The following OPN4 variants were observed in gnomAD, a reference collection of about 807,000 sequenced individuals.
The protein encoded by OPN4 is opsin 4, also known as melanopsin.
Under a neutral mutation model 49.5 loss-of-function variants are expected in OPN4, and 43 were observed. That is an observed-to-expected ratio of 0.87 (90% CI 0.68 to 1.12). The LOEUF (loss-of-function observed/expected upper bound fraction) is 1.12. OPN4 is among the 50% of genes most tolerant of loss of function. The probability of loss-of-function intolerance (pLI) is 0.00; values close to 1 mark genes in which losing one functional copy is unlikely to be tolerated. For missense variants in OPN4, 657 were observed against 643.9 expected, an observed-to-expected ratio of 1.02 and a Z score of -0.22; for synonymous variants, 263 against 258.0, an observed-to-expected ratio of 1.02 and a Z score of -0.19.
chr10:86,658,134 C>A lies in OPN4; in HGVS notation c.393C>A (p.Ser131Arg), dbSNP rs751851259. Residue 131 changes from serine (S) to arginine (R), a missense_variant, in exon 3 of 10, where the codon AGC becomes AGA. Physicochemically the swap from Ser to Arg is moderately radical, Grantham distance 110. Transcript: ENST00000241891. ...AGGCCCCTGTCTTCTTCACCAGTAG[C>A]CTCTATAAGCAGTGGCTCTTTGGGG... ...FTQAPVFFTS[S>R]LYKQWLFGET... 2 of 1,614,112 alleles carry A rather than the reference C, an allele frequency of 1.2e-6. No individual in the cohort carries two copies. The highest frequency in any genetic ancestry group is 1.7e-6 in the Non-Finnish European group (2 of 1,180,026).
intron 2 of OPN4, 108 bp from the exon 3 acceptor site, chr10:86,657,924 G>T: frequency 2.5e-6 from 3 of 1,201,818 alleles, no homozygotes; most frequent in Non-Finnish European, 3.5e-6. Flanking sequence ...GTGTGCATGT[G>T]TAAGTGTGTG....
At chr10:86,656,714 G>T (rs1041752310) in intron 2 of OPN4, among the ~76,000 whole-genome samples, 2 of 152,140 alleles carry the variant, frequency 1.3e-5, no homozygotes, top group African/African-American at 4.8e-5. Context: ...GGAGGCCAAG[G>T]CGAGCAGATC....
chr10:86,659,412 G>A lies in OPN4; in HGVS notation c.744G>A (p.Leu248=), dbSNP rs1372895701. The part of the protein sequence containing the change: ...LLCCFVFFLP[L]LIIIYCYIFI... ...GCTGCTTCGTGTTCTTCCTCCCTCT[G>A]CTTATCATCATCTACTGCTACATCT... Residue 248 remains leucine, a synonymous_variant, in exon 5 of 10, where the codon CTG becomes CTA. Transcript: ENST00000241891. The A allele has an allele frequency of 2.5e-6, 4 of 1,613,974 alleles. No individual in the cohort carries two copies. The Admixed American group carries it at 5.0e-5, about 20-fold the overall frequency.
At chr10:86,659,265 C>T (rs111664409) in intron 4 of OPN4, 32 bp from the exon 5 acceptor site, 6 of 1,587,242 alleles carry the variant, frequency 3.8e-6, no homozygotes, top group African/African-American at 2.7e-5. Flanking sequence ...TCAGTGCCGC[C>T]CCAAAGGCTG....
At chr10:86,658,396 C>T (rs1843920036) in intron 3 of OPN4, 88 bp from the exon 4 acceptor site, 1 of 1,450,910 alleles carries the variant, frequency 6.9e-7, no homozygotes, top group Non-Finnish European at 9.5e-7. Context: ...CTCAGTCCTG[C>T]TCTTCCTGTG....
chr10:86,654,854 C>T lies in OPN4; in HGVS notation c.71C>T (p.Ala24Val). The change falls in exon 1 of 10, where the codon GCA becomes GTA. Residue 24 changes from alanine (A) to valine (V), a missense_variant. Physicochemically the swap from Ala to Val is moderately conservative, Grantham distance 64. Transcript: ENST00000241891. The stretch of plus-strand genomic sequence containing the variant: ...GAGCCCAGCTGCATGGCCACCCCAG[C>T]ACCACCCAGCTGGTGGGACAGCTCC... Reference protein sequence around the residue: ...TQEPSCMATPAPPSWWDSSQS... With the variant: ...TQEPSCMATPVPPSWWDSSQS... 3.7e-6 allele frequency: 6 copies of T among 1,613,856 alleles called. No individual in the cohort carries two copies. Among genetic ancestry groups the T allele is most frequent in the Non-Finnish European group, 5.1e-6 (6 of 1,179,880 alleles).
intron 8 of OPN4, 117 bp from the exon 9 acceptor site, chr10:86,663,542 G>C (rs1844068245): frequency 5.3e-6 from 5 of 948,678 alleles, no homozygotes; most frequent in Middle Eastern, 7.1e-4. Flanking sequence ...ATGGTGTCAG[G>C]GGCCTCCCGC....
chr10:86,659,335 T>G lies in OPN4; in HGVS notation c.667T>G (p.Trp223Gly). Reference protein sequence around the residue: ...VPEGLLTSCSWDYMSFTPAVR... With the variant: ...VPEGLLTSCSGDYMSFTPAVR... ...CGAGGGGTTGCTGACATCCTGCTCCTGGGACTACATGAGCTTCACGCCGGC... is the reference window on the plus strand; with the variant it reads ...CGAGGGGTTGCTGACATCCTGCTCCGGGGACTACATGAGCTTCACGCCGGC... Residue 223 changes from tryptophan (W) to glycine (G), a missense_variant, in exon 5 of 10, where the codon TGG becomes GGG. Trp to Gly is a radical substitution (Grantham distance 184). Coordinates refer to ENST00000241891, the MANE Select transcript of OPN4 (RefSeq NM_033282.4). 1 of 1,613,698 alleles carries G rather than the reference T, an allele frequency of 6.2e-7. No individual in the cohort carries two copies. Among genetic ancestry groups the G allele is most frequent in the Non-Finnish European group, 8.5e-7 (1 of 1,180,000 alleles).
rs1307944594 is a variant in OPN4 at position 86,666,336 on chromosome 10, A to T, written c.*585A>T. Reference sequence around the variant, plus strand: ...GTAGTTACCTATCTGAATGCACACCAAGCACATGCGTGCACACTCTGCGTC... The same window carrying T: ...GTAGTTACCTATCTGAATGCACACCTAGCACATGCGTGCACACTCTGCGTC... On this transcript the variant is annotated 3_prime_UTR_variant, in exon 10 of 10. Transcript: ENST00000241891. 4 of 192,724 alleles carry T rather than the reference A, an allele frequency of 2.1e-5. No individual in the cohort carries two copies. Among genetic ancestry groups the T allele is most frequent in the Admixed American group, 1.1e-4 (2 of 18,654 alleles). 11.9% of individuals were successfully genotyped at this position (192,724 alleles called of 1,614,324 possible). A position where few individuals can be genotyped will look rare whatever the true frequency, so the allele number is the denominator to read the frequency against.
At position 86,659,313 on chromosome 10, in the gene OPN4, G is replaced by A. The variant is rs1239423411; in HGVS notation, c.645G>A (p.Glu215=). Residue 215 remains glutamate, a synonymous_variant, in exon 5 of 10, where the codon GAG becomes GAA. Transcript: ENST00000241891. The part of the protein sequence containing the change: ...PFFGWSAYVP[E]GLLTSCSWDY... ...GGCTCCCAGGCGCCTACGTGCCCGA[G>A]GGGTTGCTGACATCCTGCTCCTGGG... 3.1e-6 allele frequency: 5 copies of A among 1,612,934 alleles called. No homozygotes were observed. The highest frequency in any genetic ancestry group is 4.2e-6 in the Non-Finnish European group (5 of 1,179,904).
At chr10:86,664,146 G>A (rs1420909032) in intron 9 of OPN4, among the ~76,000 whole-genome samples, 2 of 152,222 alleles carry the variant, frequency 1.3e-5, no homozygotes, top group Non-Finnish European at 2.9e-5. Flanking sequence ...CATAGCTCGA[G>A]CATGTGTGTG....
rs931834464 is a variant in OPN4, at chr10:86,657,332, G to A, written c.291-700G>A. 31 of 737,560 alleles carry A rather than the reference G, an allele frequency of 4.2e-5. No individual in the cohort carries two copies. In the African/African-American group the frequency reaches 5.0e-4, roughly 12 times the overall value. 45.7% of individuals were successfully genotyped at this position (737,560 alleles called of 1,614,324 possible). On this transcript the variant is annotated intron_variant, in intron 2 of 9. Transcript: ENST00000241891. ...GGGAGCATCTTGTCTGGAAAATGGGGACAATGACGCCTCCCTCAGGGTAGA... is the reference window on the plus strand; with the variant it reads ...GGGAGCATCTTGTCTGGAAAATGGGAACAATGACGCCTCCCTCAGGGTAGA...
At chr10:86,659,586 C>A in intron 5 of OPN4, 118 bp downstream of exon 5, 1 of 1,343,484 alleles carries the variant, frequency 7.4e-7, no homozygotes, top group Non-Finnish European at 1.0e-6. Context: ...TGGGTGAAGG[C>A]AAGCTGAGCA....
At chr10:86,658,261 C>A in intron 3 of OPN4, 96 bp downstream of exon 3, 1 of 1,511,720 alleles carries the variant, frequency 6.6e-7, no homozygotes, top group Non-Finnish European at 9.0e-7. Context: ...TGATTTGCTG[C>A]TTCTGGGCAG....
At chr10:86,657,939 G>T (rs1330247414) in intron 2 of OPN4, 93 bp from the exon 3 acceptor site, 2 of 1,326,714 alleles carry the variant, frequency 1.5e-6, no homozygotes, top group Admixed American at 2.1e-5. Flanking sequence ...TGTGTGGCAC[G>T]TGTGTGCACA....
At chr10:86,656,025 C>T in intron 1 of OPN4, 130 bp from the exon 2 acceptor site, 2 of 1,159,282 alleles carry the variant, frequency 1.7e-6, no homozygotes, top group Non-Finnish European at 1.2e-6. Flanking sequence ...GCTGTGTGTG[C>T]AACTGGCTTT....
intron 5 of OPN4, 139 bp downstream of exon 5, chr10:86,659,607 G>C (rs1031514203): frequency 1.6e-6 from 2 of 1,239,116 alleles, no homozygotes; most frequent in African/African-American, 3.0e-5. Context: ...AGTGCTTATG[G>C]GGCAGCAGTG....
chr10:86,659,984 T>C lies in OPN4; in HGVS notation c.890T>C (p.Ile297Thr). 6.2e-7 allele frequency: 1 copy of C among 1,614,164 alleles called. No homozygotes were observed. The highest frequency in any genetic ancestry group is 8.5e-7 in the Non-Finnish European group (1 of 1,180,016). Residue 297 changes from isoleucine to threonine, a missense_variant, in exon 6 of 10, where the codon ATC becomes ACC. Physicochemically the swap from Ile to Thr is moderately conservative, Grantham distance 89 (BLOSUM62 -1). Coordinates refer to ENST00000241891, the MANE Select transcript of OPN4 (RefSeq NM_033282.4). The stretch of plus-strand genomic sequence containing the variant: ...CAGAGCGAGTGCAAGATGGCCAAGA[T>C]CATGCTGCTGGTCATCCTCCTCTTC... Reference protein sequence around the residue: ...RLQSECKMAKIMLLVILLFVL... With the variant: ...RLQSECKMAKTMLLVILLFVL...
chr10:86,661,447 G>A, intron 7 of OPN4, 59 bp downstream of exon 7: 4 of 1,268,138 alleles, frequency 3.2e-6, no homozygotes, highest in South Asian at 1.3e-5. Flanking sequence ...CTGCCGATGG[G>A]GGCAGAGGCC....
Sources: allele counts gnomAD v4.1 joint callset (sites outside exome capture counted in the v4.1 genomes callset), GRCh38; gene constraint gnomAD v4.1.1; transcripts MANE v1.5; gene names NCBI Gene and HGNC (gene_info 2026-07-23, HGNC 2026-07-21).